CACNA2D3: variants seen among roughly 807,000 people sequenced by gnomAD.
CACNA2D3 encodes voltage-dependent calcium channel subunit alpha-2/delta-3.
Under a neutral mutation model 160.6 loss-of-function variants are expected in CACNA2D3, and 60 were observed. That is an observed-to-expected ratio of 0.37 (90% CI 0.30 to 0.46). The LOEUF (loss-of-function observed/expected upper bound fraction) is 0.46, where lower values mean the gene tolerates loss of function less well. CACNA2D3 is among the 20% of genes least tolerant of loss of function. CACNA2D3 has a pLI of 1.00. For synonymous variants in CACNA2D3, 558 were observed against 492.9 expected (o/e 1.13, Z -1.75); for missense variants, 1,205 against 1,365.0 (o/e 0.88, Z 1.85).
intron 5 of CACNA2D3, among the ~76,000 whole-genome samples, chr3:54,559,778 G>C (rs1702297193): frequency 6.6e-6 from 1 of 152,124 alleles, no homozygotes; most frequent in Non-Finnish European, 1.5e-5. Flanking sequence ...AGTGTGTGTT[G>C]TTCTCCTCTA....
intron 27 of CACNA2D3, 67 bp downstream of exon 27, chr3:54,899,935 A>G (rs1418995401): frequency 2.6e-6 from 3 of 1,155,258 alleles, no homozygotes; most frequent in South Asian, 1.3e-5. Flanking sequence ...CCAGTGGGCT[A>G]CTTCTGTGAG....
intron 3 of CACNA2D3, among the ~76,000 whole-genome samples, chr3:54,331,347 T>C (rs1393221943): frequency 6.6e-6 from 1 of 152,194 alleles, no homozygotes; most frequent in Non-Finnish European, 1.5e-5. Flanking sequence ...CGTAGTCGTT[T>C]ATTTGCTACT....
intron 16 of CACNA2D3, among the ~76,000 whole-genome samples, chr3:54,843,370 G>A (rs755034852): frequency 1.3e-5 from 2 of 152,232 alleles, no homozygotes; most frequent in African/African-American, 2.4e-5. Context: ...CTGAGGCTGA[G>A]CTTATAGCAT....
chr3:54,328,368 G>A (rs1156777105), intron 3 of CACNA2D3, among the ~76,000 whole-genome samples: 2 of 152,064 alleles, frequency 1.3e-5, no homozygotes, highest in South Asian at 2.1e-4. Flanking sequence ...TGCCACCTCC[G>A]CCTCCCGGGT....
intron 29 of CACNA2D3, among the ~76,000 whole-genome samples, chr3:54,980,535 T>G (rs1702484168): frequency 6.6e-6 from 1 of 152,086 alleles, no homozygotes; most frequent in Admixed American, 6.5e-5. Context: ...AGTGTAGAAC[T>G]GTTTCCTTGG....
intron 35 of CACNA2D3, among the ~76,000 whole-genome samples, chr3:55,050,247 G>C (rs1232429220): frequency 1.3e-5 from 2 of 150,868 alleles, no homozygotes. Flanking sequence ...GGTACCGGTT[G>C]TTCCTTTCCA....
At chr3:54,851,462 A>G (rs993743669) in intron 17 of CACNA2D3, among the ~76,000 whole-genome samples, 5 of 152,208 alleles carry the variant, frequency 3.3e-5, no homozygotes, top group African/African-American at 1.2e-4. Flanking sequence ...GGAAAGTGCC[A>G]GAACTAGGAC....
chr3:54,799,770 A>T (rs562903354), intron 13 of CACNA2D3, among the ~76,000 whole-genome samples: 1 of 152,214 alleles, frequency 6.6e-6, no homozygotes, highest in East Asian at 1.9e-4. Flanking sequence ...CCATGTCTAT[A>T]ACCTGCCAAA....
intron 35 of CACNA2D3, among the ~76,000 whole-genome samples, chr3:55,020,361 A>G (rs1189576167): frequency 6.7e-6 from 1 of 148,924 alleles, no homozygotes; most frequent in East Asian, 1.9e-4. Flanking sequence ...GATATCTATA[A>G]TGTATATTTT....
intron 11 of CACNA2D3, among the ~76,000 whole-genome samples, chr3:54,705,174 A>C (rs1004076233): frequency 5.9e-5 from 9 of 152,200 alleles, no homozygotes; most frequent in Non-Finnish European, 1.3e-4. Flanking sequence ...GGATTTAGCA[A>C]ATATTCACAT....
chr3:54,740,404 C>T (rs1701626508), intron 11 of CACNA2D3, among the ~76,000 whole-genome samples: 1 of 152,166 alleles, frequency 6.6e-6, no homozygotes, highest in Non-Finnish European at 1.5e-5. Context: ...CTACTGCTCA[C>T]TGAAGTCCTA....
intron 8 of CACNA2D3, among the ~76,000 whole-genome samples, chr3:54,581,121 C>T (rs368837961): frequency 6.6e-6 from 1 of 152,122 alleles, no homozygotes; most frequent in African/African-American, 2.4e-5. Context: ...GTGTAAGGAC[C>T]GGCCTCCCTG....
At chr3:54,772,844 A>G (rs934608140) in intron 13 of CACNA2D3, among the ~76,000 whole-genome samples, 3 of 152,208 alleles carry the variant, frequency 2.0e-5, no homozygotes, top group African/African-American at 7.2e-5. Context: ...GGTCTTAATC[A>G]GCTTGGGAAT....
chr3:54,725,237 C>G (rs1439557569), intron 11 of CACNA2D3, among the ~76,000 whole-genome samples: 2 of 152,154 alleles, frequency 1.3e-5, no homozygotes, highest in Non-Finnish European at 2.9e-5. Context: ...CCTGAATAAA[C>G]CAATAACAAG....
chr3:54,302,817 T>TG (rs1703509227), intron 2 of CACNA2D3, among the ~76,000 whole-genome samples: 1 of 151,896 alleles, frequency 6.6e-6, no homozygotes, highest in African/African-American at 2.4e-5. Context: ...GGCATCTGCT[T>TG]GGGGCTTTGG....
In CACNA2D3 at chr3:54,278,147, GA is replaced by G. The variant is rs554822694; in HGVS notation, c.205-42288del. 8.6e-5 allele frequency among the ~76,000 whole-genome samples: 13 copies of G among 151,980 alleles called. No individual in the cohort carries two copies. The East Asian group carries it at 2.3e-3, about 27-fold the overall frequency. On this transcript the variant is annotated intron_variant, in intron 2 of 37. Transcript: ENST00000474759. ...ACAAGGAAGTTAAACAAATTTACTA[GA>G]AAAAAACAACCCCATCAAAAAGTGG...
chr3:54,907,581 C>A (rs1467412638), intron 27 of CACNA2D3, among the ~76,000 whole-genome samples: 1 of 152,096 alleles, frequency 6.6e-6, no homozygotes, highest in Non-Finnish European at 1.5e-5. Context: ...ATATGTTACG[C>A]CCACTGCTGC....
Position 54,239,078 on chromosome 3 carries a change from A to G in CACNA2D3, c.205-81364A>G, listed in dbSNP as rs565556754. ...AAATATTATTATTTCATATGTAAAA[A>G]TAAGTGGGTGTCTGACCCTGTGGCT... On this transcript the variant is annotated intron_variant, in intron 2 of 37. Coordinates refer to ENST00000474759, the MANE Select transcript of CACNA2D3 (RefSeq NM_018398.3). Among the ~76,000 whole-genome samples the G allele has an allele frequency of 1.0e-4, 16 of 152,382 alleles. No homozygotes were observed. In the South Asian group the frequency reaches 3.3e-3, roughly 32 times the overall value.
intron 2 of CACNA2D3, among the ~76,000 whole-genome samples, chr3:54,139,895 AAC>A (rs1203754436): frequency 6.6e-6 from 1 of 152,204 alleles, no homozygotes; most frequent in African/African-American, 2.4e-5. Flanking sequence ...ACATCTCAGG[AAC>A]ACTGGCTGCT....
Sources: allele counts gnomAD v4.1 joint callset (sites outside exome capture counted in the v4.1 genomes callset), GRCh38; gene constraint gnomAD v4.1.1; transcripts MANE v1.5; gene names NCBI Gene and HGNC (gene_info 2026-07-23, HGNC 2026-07-21).